Variants in PPP1CC observed in about 807,000 individuals in gnomAD.
The protein encoded by PPP1CC is protein phosphatase 1 catalytic subunit gamma.
PPP1CC carries 16 observed loss-of-function variants against 38.4 expected under a neutral mutation model. The ratio of observed to expected loss-of-function variants is 0.42; its 90% CI spans 0.28 to 0.63. The LOEUF is 0.63. Ranked by LOEUF, PPP1CC falls within the 30% of genes least tolerant of loss-of-function variation. The pLI is 0.25. For synonymous variants in PPP1CC, 158 were observed against 136.0 expected (o/e 1.16, Z -1.13); for missense variants, 170 against 391.3 (o/e 0.43, Z 4.77).
chr12:110,721,905 A>C, intron 6 of PPP1CC: 1 of 520,796 alleles, frequency 1.9e-6, no homozygotes, highest in South Asian at 3.6e-5. Flanking sequence ...TAAGGAGCCA[A>C]TATGCAATGC....
At chr12:110,740,192 T>TA (rs1174180622) in intron 1 of PPP1CC, among the ~76,000 whole-genome samples, 4 of 152,024 alleles carry the variant, frequency 2.6e-5, no homozygotes, top group Non-Finnish European at 4.4e-5. Context: ...TCTAAACACG[T>TA]AAAAAAATCT....
intron 3 of PPP1CC, among the ~76,000 whole-genome samples, chr12:110,729,331 A>G (rs2069845751): frequency 6.6e-6 from 1 of 151,286 alleles, no homozygotes; most frequent in Admixed American, 6.6e-5. Flanking sequence ...AGTAGCTGGG[A>G]CTACAGGCAT....
At chr12:110,742,439 C>T (rs1173972955) in intron 1 of PPP1CC, among the ~76,000 whole-genome samples, 1 of 152,176 alleles carries the variant, frequency 6.6e-6, no homozygotes, top group Non-Finnish European at 1.5e-5. Context: ...AATGAATGAG[C>T]GGAGCCTGGA....
chr12:110,725,907 T>C (rs7136166), intron 3 of PPP1CC: 139,924 of 152,322 alleles, frequency 0.92, 64,608 homozygotes, highest in African/African-American at 0.98. Context: ...ACTAAAAATA[T>C]AAAAATTAGC....
chr12:110,722,295 A>T lies in PPP1CC; in HGVS notation c.748-26T>A, dbSNP rs775592669. ...CTTGAAGAGAAAATTTTTTCAATAT[A>T]AATAGGTGCAAATATTAGGTGAGTA... On this transcript the variant is annotated intron_variant, in intron 5 of 6. Transcript: ENST00000335007. The surrounding 1 kb of genome is among the most constrained non-coding windows in gnomAD (Gnocchi z 5.4). 743 of 1,610,272 alleles carry T rather than the reference A, an allele frequency of 4.6e-4. No homozygotes were observed. Among genetic ancestry groups the T allele is most frequent in the Non-Finnish European group, 6.0e-4 (703 of 1,177,542 alleles).
In PPP1CC at chr12:110,722,691, T is replaced by G. The variant is rs777675960; in HGVS notation, c.528A>C (p.Leu176Phe). The stretch of plus-strand genomic sequence containing the variant: ...GCTCCATAGATTGAAGATCTGGTGA[T>G]AAACCTATTCAATGAGGAAAAAAAA... ...DEKIFCCHGG[L>F]SPDLQSMEQI... The change falls in exon 5 of 7, where the codon TTA (leucine) becomes TTC (phenylalanine). Residue 176 changes from leucine (L) to phenylalanine (F), a missense_variant. Physicochemically the swap from Leu to Phe is conservative, Grantham distance 22. Around this residue, in one of 3 missense-constraint regions of PPP1CC, gnomAD observed 117 missense variants for 344.4 expected, o/e 0.34. Coordinates refer to ENST00000335007, the MANE Select transcript of PPP1CC (RefSeq NM_002710.4). This position sits in a 1 kb window ranked among gnomAD's most constrained non-coding sequence, Gnocchi z 5.4. 3.1e-6 allele frequency: 5 copies of G among 1,602,740 alleles called. No homozygotes were observed. The highest frequency in any genetic ancestry group is 4.3e-6 in the Non-Finnish European group (5 of 1,175,468).
downstream of PPP1CC, among the ~76,000 whole-genome samples, chr12:110,715,290 T>C (rs1160221382): frequency 6.6e-6 from 1 of 152,168 alleles, no homozygotes; most frequent in Admixed American, 6.5e-5. Flanking sequence ...GGAAACTGAT[T>C]GTTTGGAACA....
rs1242249387 is a variant in PPP1CC at position 110,731,629 on chromosome 12, C to T, written c.187+141G>A. On this transcript the variant is annotated intron_variant, in intron 2 of 6. Coordinates refer to ENST00000335007, the MANE Select transcript of PPP1CC (RefSeq NM_002710.4). ...ATTAGAGGTATTTATTCTAAAGCTA[C>T]TATTTAACTTACTTTTAAGTAGTTC... The T allele has an allele frequency of 3.7e-6, 3 of 813,836 alleles. No individual in the cohort carries two copies. The Admixed American group carries it at 9.7e-5, about 26-fold the overall frequency. The allele number at this position is 813,836 out of a possible 1,614,324, so 50.4% of individuals were successfully genotyped here.
intron 1 of PPP1CC, among the ~76,000 whole-genome samples, chr12:110,740,344 G>A (rs944380576): frequency 6.6e-6 from 1 of 152,140 alleles, no homozygotes; most frequent in African/African-American, 2.4e-5. Flanking sequence ...CCAGCACCTG[G>A]GGAGGACGAG....
At chr12:110,715,787 A>C (rs2069682463), downstream of PPP1CC, among the ~76,000 whole-genome samples, 1 of 151,866 alleles carries the variant, frequency 6.6e-6, no homozygotes, top group Admixed American at 6.6e-5. Flanking sequence ...ATGCCAGGCT[A>C]ATTTTGTATT....
the PPP1CC span, among the ~76,000 whole-genome samples, chr12:110,711,916 ACT>A: frequency 4.9e-4 from 74 of 151,698 alleles, no homozygotes; most frequent in African/African-American, 1.6e-3. Flanking sequence ...CAAGAATGAA[ACT>A]CTGTCTCAAA....
Position 110,730,527 on chromosome 12 carries a change from A to G in PPP1CC, c.418+2T>C, listed in dbSNP as rs1279937794. The G allele has an allele frequency of 6.3e-7, 1 of 1,590,344 alleles. No individual in the cohort carries two copies. Among genetic ancestry groups the G allele is most frequent in the Non-Finnish European group, 8.6e-7 (1 of 1,164,146 alleles). On this transcript the variant is annotated splice_donor_variant, in intron 3 of 6. Transcript: ENST00000335007. LOFTEE classifies it high-confidence loss of function. ...CTTCCTTAGATATAGAAAAGTACTTACATTCATCATAAAATCCATAAATTC... is the reference window on the plus strand; with the variant it reads ...CTTCCTTAGATATAGAAAAGTACTTGCATTCATCATAAAATCCATAAATTC...
chr12:110,709,480 G>A, the PPP1CC span, among the ~76,000 whole-genome samples: 1 of 151,716 alleles, frequency 6.6e-6, no homozygotes, highest in African/African-American at 2.4e-5. Flanking sequence ...CACCCACCTC[G>A]AGCTCCCAAA....
intron 3 of PPP1CC, among the ~76,000 whole-genome samples, chr12:110,727,866 G>C (rs550090722): frequency 6.6e-6 from 1 of 152,238 alleles, no homozygotes; most frequent in South Asian, 2.1e-4. Flanking sequence ...GAGGAAGCTT[G>C]AGCATAAGAT....
At chr12:110,717,493 A>T (rs1396263337), downstream of PPP1CC, among the ~76,000 whole-genome samples, 1 of 152,122 alleles carries the variant, frequency 6.6e-6, no homozygotes, top group Non-Finnish European at 1.5e-5. Context: ...TCCCAGGTTC[A>T]CGCCATTCTC....
downstream of PPP1CC, among the ~76,000 whole-genome samples, chr12:110,716,441 TTC>T (rs879283132): frequency 3.2e-3 from 492 of 151,880 alleles, no homozygotes; most frequent in Middle Eastern, 0.02. Flanking sequence ...CAACCTCTGC[TTC>T]CCAGGTTCAA....
At chr12:110,711,812 C>A in the PPP1CC span, among the ~76,000 whole-genome samples, 1 of 151,972 alleles carries the variant, frequency 6.6e-6, no homozygotes, top group Admixed American at 6.6e-5. Context: ...GTGGTCCCAG[C>A]TACTTGGGAG....
chr12:110,712,044 T>C, the PPP1CC span, among the ~76,000 whole-genome samples: 2 of 152,120 alleles, frequency 1.3e-5, no homozygotes, highest in South Asian at 2.1e-4. Context: ...TATAATACCA[T>C]ATTTTTACTG....
At chr12:110,735,333 C>T (rs1174504648) in intron 1 of PPP1CC, among the ~76,000 whole-genome samples, 1 of 152,190 alleles carries the variant, frequency 6.6e-6, no homozygotes, top group East Asian at 1.9e-4. Flanking sequence ...CCATTCAATC[C>T]TGTCAACGAT....
Sources: allele counts gnomAD v4.1 joint callset (sites outside exome capture counted in the v4.1 genomes callset), GRCh38; gene constraint gnomAD v4.1.1; regional missense constraint gnomAD v4.1.1; non-coding constraint Gnocchi (gnomAD v3.1); transcripts MANE v1.5; gene names NCBI Gene and HGNC (gene_info 2026-07-23, HGNC 2026-07-21).